The following SI variants were observed in gnomAD, a reference collection of about 807,000 sequenced individuals.
SI encodes the protein sucrase-isomaltase.
A neutral mutation model predicts 253.3 loss-of-function variants in SI; 235 were observed. The observed-to-expected ratio is 0.93, with a 90% CI of 0.83 to 1.03. The LOEUF (loss-of-function observed/expected upper bound fraction) is 1.03, where lower values mean the gene tolerates loss of function less well. SI is among the 50% of genes least tolerant of loss of function. The pLI is 0.00. For missense variants in SI, 2,442 were observed against 2,211.1 expected (o/e 1.10, Z -2.09); for synonymous variants, 819 against 712.0 (o/e 1.15, Z -2.39).
At chr3:165,007,010 C>A in intron 36 of SI, 56 bp from the exon 37 acceptor site, 1 of 1,211,020 alleles carries the variant, frequency 8.3e-7, no homozygotes, top group South Asian at 1.3e-5. Context: ...TACAATGAAA[C>A]GTGTAACTCA....
chr3:165,077,867 C>T (rs1715102984), intron 1 of SI, among the ~76,000 whole-genome samples: 1 of 151,390 alleles, frequency 6.6e-6, no homozygotes, highest in East Asian at 1.9e-4. Context: ...CTTAAAATTA[C>T]TGTGATAAAA....
At chr3:164,981,128 T>C (rs1039638388) in intron 47 of SI, among the ~76,000 whole-genome samples, 1 of 152,084 alleles carries the variant, frequency 6.6e-6, no homozygotes, top group African/African-American at 2.4e-5. Context: ...CACTAAGATA[T>C]TAACTTTTAT....
chr3:165,089,596 A>T, the SI span, among the ~76,000 whole-genome samples: 1 of 152,150 alleles, frequency 6.6e-6, no homozygotes, highest in Non-Finnish European at 1.5e-5. Context: ...CTTTGACAAC[A>T]TCACCCCAAA....
chr3:165,007,850 T>C lies in SI; in HGVS notation c.4267+61A>G, dbSNP rs1010693892. The C allele has an allele frequency of 2.5e-4, 166 of 671,118 alleles. 1 individual carries two copies. The highest frequency in any genetic ancestry group is 3.5e-4 in the Non-Finnish European group (133 of 384,862). The allele number at this position is 671,118 out of a possible 1,614,324, so 41.6% of individuals were successfully genotyped here. A position where few individuals can be genotyped will look rare whatever the true frequency, so the allele number is the denominator to read the frequency against. On this transcript the variant is annotated intron_variant, in intron 36 of 47. Transcript: ENST00000264382. ...AACTGATATATATCAGTTTATATTA[T>C]ATACCTATTAATATATAATAATAAC...
At chr3:165,081,011 G>A (rs1233462375), upstream of SI, among the ~76,000 whole-genome samples, 9 of 151,942 alleles carry the variant, frequency 5.9e-5, no homozygotes, top group East Asian at 1.7e-3. Flanking sequence ...CAACAAACTG[G>A]CCTTTGTTTT....
Position 165,074,677 on chromosome 3 carries a change from GA to G in SI, c.119-11del. The G allele has an allele frequency of 6.2e-7, 1 of 1,602,080 alleles. No individual in the cohort carries two copies. Among genetic ancestry groups the G allele is most frequent in the Non-Finnish European group, 8.5e-7 (1 of 1,170,590 alleles). ...GTAGAATCACTAATTTCTGGGGGAG[GA>G]AAAAACTCAATAAAATAAAACATGA... On this transcript the variant is annotated splice_polypyrimidine_tract_variant and intron_variant, in intron 2 of 47. Coordinates refer to ENST00000264382, the MANE Select transcript of SI (RefSeq NM_001041.4).
rs374970347 is a variant in SI, at chr3:165,059,290, C to G, written c.1156G>C (p.Val386Leu). ...REAGIPFDTQVTDIDYMEDKK... is the reference protein window; with the variant it reads ...REAGIPFDTQLTDIDYMEDKK... ...TCTTCCATGTAGTCAATATCAGTGA[C>G]CTGTGTATCCTGAAAGTTAGAAGAT... The change falls in exon 11 of 48, where the codon GTC (valine) becomes CTC (leucine). Residue 386 changes from valine to leucine, a missense_variant. Val to Leu is a conservative substitution (Grantham distance 32). Coordinates refer to ENST00000264382, the MANE Select transcript of SI (RefSeq NM_001041.4). The G allele has an allele frequency of 1.9e-6, 3 of 1,612,042 alleles. No individual in the cohort carries two copies. The highest frequency in any genetic ancestry group is 2.5e-6 in the Non-Finnish European group (3 of 1,178,746).
intron 18 of SI, 141 bp from the exon 19 acceptor site, chr3:165,040,112 C>T: frequency 1.4e-6 from 1 of 713,844 alleles, no homozygotes; most frequent in Non-Finnish European, 2.5e-6. Flanking sequence ...ATTTTCAATT[C>T]ATGGTTCTTA....
chr3:165,009,788 C>T (rs1379922067), intron 34 of SI, among the ~76,000 whole-genome samples: 1 of 152,094 alleles, frequency 6.6e-6, no homozygotes. Flanking sequence ...TTTTATATAG[C>T]TTTCTCATTT....
chr3:165,041,324 C>A (rs1053080519), intron 17 of SI, among the ~76,000 whole-genome samples: 3 of 151,902 alleles, frequency 2.0e-5, no homozygotes, highest in Non-Finnish European at 2.9e-5. Context: ...ATATTTAAAG[C>A]GTTGCCACAG....
At chr3:165,048,028 A>G (rs932977611) in intron 15 of SI, among the ~76,000 whole-genome samples, 1 of 151,970 alleles carries the variant, frequency 6.6e-6, no homozygotes, top group Non-Finnish European at 1.5e-5. Context: ...TTTCTTTCCT[A>G]GGATATATTA....
At position 164,979,243 on chromosome 3, in the gene SI, T is replaced by C. The variant is rs1300738183; in HGVS notation, c.*119A>G. On this transcript the variant is annotated 3_prime_UTR_variant, in exon 48 of 48. Coordinates refer to ENST00000264382, the MANE Select transcript of SI (RefSeq NM_001041.4). ...TGTACGCTACAAAATAACTTTTCGA[T>C]GTTATGAAAGCTATATTTTGTAGAG... 1.4e-6 allele frequency: 1 copy of C among 731,092 alleles called. No homozygotes were observed. The highest frequency in any genetic ancestry group is 2.5e-6 in the Non-Finnish European group (1 of 398,634). The allele number at this position is 731,092 out of a possible 1,614,324, so 45.3% of individuals were successfully genotyped here.
chr3:165,059,434 A>G, intron 10 of SI, 135 bp from the exon 11 acceptor site: 1 of 870,578 alleles, frequency 1.1e-6, no homozygotes, highest in Non-Finnish European at 1.8e-6. Context: ...TTTTCATTTC[A>G]CTAAAGAAGC....
At chr3:165,084,852 G>A in the SI span, among the ~76,000 whole-genome samples, 2 of 152,096 alleles carry the variant, frequency 1.3e-5, no homozygotes, top group Non-Finnish European at 1.5e-5. Context: ...ATACATTCCT[G>A]AAACAGAAGT....
At chr3:165,042,990 A>G in intron 17 of SI, 69 bp downstream of exon 17, 1 of 939,432 alleles carries the variant, frequency 1.1e-6, no homozygotes, top group South Asian at 1.3e-5. Flanking sequence ...CTATAGATTT[A>G]ATTTAAGTAC....
intron 13 of SI, 137 bp from the exon 14 acceptor site, chr3:165,050,012 T>A: frequency 1.6e-6 from 1 of 643,210 alleles, no homozygotes. Flanking sequence ...AAATATAAGC[T>A]ACCAACCTAA....
chr3:164,982,523 T>C (rs868693756), intron 46 of SI, 113 bp from the exon 47 acceptor site: 10 of 773,130 alleles, frequency 1.3e-5, no homozygotes, highest in Middle Eastern at 4.9e-4. Context: ...AAATTGTTTA[T>C]TTGTGCATTT....
At chr3:165,004,039 A>C (rs1056967633) in intron 37 of SI, among the ~76,000 whole-genome samples, 1 of 152,152 alleles carries the variant, frequency 6.6e-6, no homozygotes, top group Non-Finnish European at 1.5e-5. Context: ...AATATTTGCA[A>C]AATAATCATT....
chr3:164,984,839 C>T (rs1192795147), intron 45 of SI, among the ~76,000 whole-genome samples: 1 of 152,218 alleles, frequency 6.6e-6, no homozygotes, highest in South Asian at 2.1e-4. Context: ...TGCCCATCAA[C>T]TAGATTGTTG....
Sources: allele counts gnomAD v4.1 joint callset (sites outside exome capture counted in the v4.1 genomes callset), GRCh38; gene constraint gnomAD v4.1.1; transcripts MANE v1.5; gene names NCBI Gene and HGNC (gene_info 2026-07-23, HGNC 2026-07-21).